The following DPH6 variants were observed in gnomAD, a reference collection of about 807,000 sequenced individuals.
DPH6 encodes the protein diphthamine biosynthesis 6.
DPH6 carries 33 observed loss-of-function variants against 38.2 expected under a neutral mutation model. The ratio of observed to expected loss-of-function variants is 0.86; its 90% confidence interval spans 0.65 to 1.15. The LOEUF (loss-of-function observed/expected upper bound fraction) is 1.15. Among genes scored for constraint, DPH6 ranks in the 50% most tolerant of loss-of-function variants. The probability of loss-of-function intolerance (pLI) is 0.00; values close to 1 mark genes in which losing one functional copy is unlikely to be tolerated. For synonymous variants in DPH6, 108 were observed against 103.0 expected (o/e 1.05, Z -0.30); for missense variants, 325 against 320.0 (o/e 1.02, Z -0.12).
chr15:35,237,879 T>C, intron 3 of DPH6: 1 of 1,470,852 alleles, frequency 6.8e-7, no homozygotes, highest in South Asian at 1.1e-5. Context: ...GATGCTCAGG[T>C]AGTGGAGGAC....
At chr15:35,338,952 T>C (rs1221369476) in intron 3 of DPH6, among the ~76,000 whole-genome samples, 2 of 151,924 alleles carry the variant, frequency 1.3e-5, no homozygotes, top group East Asian at 1.9e-4. Flanking sequence ...AAACACTGCA[T>C]GTTCTCAGTC....
intron 3 of DPH6, among the ~76,000 whole-genome samples, chr15:35,282,332 T>A (rs1306186323): frequency 2.0e-5 from 3 of 152,056 alleles, no homozygotes; most frequent in African/African-American, 2.4e-5. Context: ...CTGCTACAAC[T>A]GGCTAATTTT....
At chr15:35,515,812 T>C (rs980148242) in intron 3 of DPH6, among the ~76,000 whole-genome samples, 1 of 151,818 alleles carries the variant, frequency 6.6e-6, no homozygotes, top group African/African-American at 2.4e-5. Flanking sequence ...GGCGGAAGAT[T>C]GTTTGAGCTC....
intron 3 of DPH6, among the ~76,000 whole-genome samples, chr15:35,267,414 A>G (rs899043512): frequency 4.6e-5 from 7 of 152,036 alleles, no homozygotes; most frequent in Non-Finnish European, 5.9e-5. Flanking sequence ...TGCTGATGCT[A>G]TTTTTTCACC....
intron 3 of DPH6, among the ~76,000 whole-genome samples, chr15:35,300,455 C>T (rs947494719): frequency 1.3e-5 from 2 of 152,096 alleles, no homozygotes; most frequent in East Asian, 1.9e-4. Flanking sequence ...ATTGTAAGAA[C>T]GGAGATGAAA....
chr15:35,279,816 C>A (rs1016528021), intron 3 of DPH6, among the ~76,000 whole-genome samples: 2 of 152,096 alleles, frequency 1.3e-5, no homozygotes, highest in Admixed American at 1.3e-4. Context: ...TAACTCCCCA[C>A]CCCCCAAATT....
intron 3 of DPH6, among the ~76,000 whole-genome samples, chr15:35,317,590 C>CAAAAAAAAAAAAAAAAAAAAAAAAAAGA (rs79613862): frequency 1.4e-5 from 1 of 73,764 alleles, no homozygotes; most frequent in East Asian, 2.9e-4. Context: ...TTCTGCTGGA[C>CAAAAAAAAAAAAAAAAAAAAAAAAAAGA]AAAAAAAAAA....
intron 3 of DPH6, among the ~76,000 whole-genome samples, chr15:35,250,774 T>C (rs942446101): frequency 1.3e-5 from 2 of 152,114 alleles, no homozygotes; most frequent in Admixed American, 6.5e-5. Flanking sequence ...ATAAATATAA[T>C]AAGAATATTA....
chr15:35,462,488 G>A (rs1264052242), intron 3 of DPH6, among the ~76,000 whole-genome samples: 2 of 152,102 alleles, frequency 1.3e-5, no homozygotes, highest in Non-Finnish European at 2.9e-5. Flanking sequence ...AGTCCTTACT[G>A]CTCCTCAAAC....
chr15:35,344,188 T>C (rs1485904718), intron 3 of DPH6, among the ~76,000 whole-genome samples: 1 of 151,976 alleles, frequency 6.6e-6, no homozygotes, highest in Non-Finnish European at 1.5e-5. Context: ...GAAGCCAGAC[T>C]AGAAAGAAAA....
intron 7 of DPH6, among the ~76,000 whole-genome samples, chr15:35,378,626 T>G (rs1002443712): frequency 1.3e-5 from 2 of 152,112 alleles, no homozygotes; most frequent in Non-Finnish European, 2.9e-5. Flanking sequence ...CACATATACA[T>G]CATGGAATAC....
chr15:35,338,172 C>T lies in DPH6; in HGVS notation n.208-7095G>A, dbSNP rs1031582863. 2.8e-4 allele frequency among the ~76,000 whole-genome samples: 42 copies of T among 152,174 alleles called. 1 individual carries two copies. The highest frequency in any genetic ancestry group is 3.4e-3 in the Middle Eastern group (1 of 294). ...AAAGCAATGGCAACAAAAGCCAAAA[C>T]TGACAAATGGGATCTAATTAAACTA... On this transcript the variant is annotated intron_variant and non_coding_transcript_variant, in intron 3 of 3. Transcript: ENST00000558973.
chr15:35,444,382 CG>C (rs75028067), intron 5 of DPH6, among the ~76,000 whole-genome samples: 5,643 of 152,198 alleles, frequency 0.037, 124 homozygotes, highest in East Asian at 0.094. Flanking sequence ...TGTGATACTT[CG>C]GCCATTGGAG....
intron 3 of DPH6, among the ~76,000 whole-genome samples, chr15:35,354,404 A>G (rs1344861124): frequency 6.6e-6 from 1 of 152,138 alleles, no homozygotes; most frequent in Non-Finnish European, 1.5e-5. Flanking sequence ...TCAGTATGAT[A>G]TTGGCTGTGG....
rs2053222912 is a variant in DPH6, at chr15:35,401,759, A to G, written c.567+9076T>C. 4.4e-6 allele frequency: 3 copies of G among 683,458 alleles called. 1 individual carries two copies. The East Asian group carries it at 8.5e-5, about 19-fold the overall frequency. The allele number at this position is 683,458 out of a possible 1,614,324, so 42.3% of individuals were successfully genotyped here. ...GCAGCGGTAGCTACGACAGTGGCAGAAGATTTTAATTACTGCCAGGAAACA... is the reference window on the plus strand; with the variant it reads ...GCAGCGGTAGCTACGACAGTGGCAGGAGATTTTAATTACTGCCAGGAAACA... On this transcript the variant is annotated intron_variant, in intron 6 of 8. Transcript: ENST00000256538.
chr15:35,292,398 T>C (rs2051986066), intron 3 of DPH6, among the ~76,000 whole-genome samples: 1 of 152,152 alleles, frequency 6.6e-6, no homozygotes, highest in Non-Finnish European at 1.5e-5. Flanking sequence ...ATATCTAGCT[T>C]AACATTAGCC....
At chr15:35,220,100 T>A (rs1467947247) in exon 4 of DPH6, 1 of 152,240 alleles carries the variant, frequency 6.6e-6, no homozygotes, top group South Asian at 2.1e-4. Flanking sequence ...ATAAGGAACA[T>A]CCACATACAC....
chr15:35,284,394 T>C (rs2051924900), intron 3 of DPH6, among the ~76,000 whole-genome samples: 1 of 152,144 alleles, frequency 6.6e-6, no homozygotes, highest in African/African-American at 2.4e-5. Flanking sequence ...TGGCTAAATT[T>C]TTATCCTGAA....
Position 35,307,493 on chromosome 15 carries a change from G to A in DPH6, n.200+66028C>T, listed in dbSNP as rs550389466. Among the ~76,000 whole-genome samples the A allele has an allele frequency of 1.9e-3, 292 of 152,136 alleles. 2 individuals carry two copies. Among genetic ancestry groups the A allele is most frequent in the African/African-American group, 6.8e-3 (282 of 41,500 alleles). On this transcript the variant is annotated intron_variant and non_coding_transcript_variant, in intron 3 of 3. Coordinates refer to the DPH6 transcript ENST00000560386. ...TAGGTTGAGTCCTAAAAACAGTCCCGACCCTGTTTTTCCTGAGGAAAAACA... is the reference window on the plus strand; with the variant it reads ...TAGGTTGAGTCCTAAAAACAGTCCCAACCCTGTTTTTCCTGAGGAAAAACA...
Sources: allele counts gnomAD v4.1 joint callset (sites outside exome capture counted in the v4.1 genomes callset), GRCh38; gene constraint gnomAD v4.1.1; transcripts MANE v1.5; gene names NCBI Gene and HGNC (gene_info 2026-07-23, HGNC 2026-07-21).